PLCL1: variants seen among roughly 807,000 people sequenced by gnomAD.
The protein encoded by PLCL1 is inactive phospholipase C-like protein 1.
Under a neutral mutation model 84.4 loss-of-function variants are expected in PLCL1, and 41 were observed. That is an observed-to-expected ratio of 0.49 (90% CI 0.38 to 0.63). The LOEUF (loss-of-function observed/expected upper bound fraction) is 0.63, where lower values mean the gene tolerates loss of function less well. PLCL1 is among the 30% of genes least tolerant of loss of function. PLCL1 has a pLI of 0.00. For missense variants in PLCL1, 1,206 were observed against 1,367.8 expected (o/e 0.88, Z 1.87); for synonymous variants, 490 against 488.3 (o/e 1.00, Z -0.05).
At chr2:197,913,880 TTA>T (rs141941379) in intron 1 of PLCL1, among the ~76,000 whole-genome samples, 19 of 150,056 alleles carry the variant, frequency 1.3e-4, no homozygotes, top group African/African-American at 1.2e-4. Context: ...TGTCTTGGTT[TTA>T]TATATATATA....
At chr2:198,074,411 C>T (rs778750041) in intron 1 of PLCL1, among the ~76,000 whole-genome samples, 70 of 152,152 alleles carry the variant, frequency 4.6e-4, no homozygotes, top group Non-Finnish European at 9.3e-4. Context: ...ATTTCCTTTT[C>T]AGTTTTAAAT....
At chr2:198,097,696 G>C (rs1296505107) in intron 3 of PLCL1, among the ~76,000 whole-genome samples, 1 of 152,214 alleles carries the variant, frequency 6.6e-6, no homozygotes, top group Non-Finnish European at 1.5e-5. Flanking sequence ...CATTGTGAAT[G>C]TGGAGACAAA....
At chr2:197,859,285 C>T (rs1687387229) in intron 1 of PLCL1, among the ~76,000 whole-genome samples, 1 of 152,120 alleles carries the variant, frequency 6.6e-6, no homozygotes, top group Non-Finnish European at 1.5e-5. Context: ...TGAAGAGAAG[C>T]TTCCATGGAA....
At chr2:197,822,081 T>C (rs1690827611) in intron 1 of PLCL1, among the ~76,000 whole-genome samples, 1 of 152,138 alleles carries the variant, frequency 6.6e-6, no homozygotes, top group African/African-American at 2.4e-5. Context: ...TTCAAATGTA[T>C]ACCATATGTG....
At chr2:197,824,713 CA>C (rs1163183876) in intron 1 of PLCL1, among the ~76,000 whole-genome samples, 1,455 of 55,576 alleles carry the variant, frequency 0.026, 8 homozygotes, top group African/African-American at 0.074. Context: ...GACCCTGTCT[CA>C]AAAAAAAAAA....
At chr2:197,866,912 C>T (rs776842837) in intron 1 of PLCL1, among the ~76,000 whole-genome samples, 11 of 152,236 alleles carry the variant, frequency 7.2e-5, no homozygotes, top group Middle Eastern at 6.8e-3. Context: ...TGGCGATCAT[C>T]GTTTGGGAAT....
At position 197,822,565 on chromosome 2, in the gene PLCL1, A is replaced by G. The variant is rs149202825; in HGVS notation, c.240+17226A>G. On this transcript the variant is annotated intron_variant, in intron 1 of 5. Coordinates refer to ENST00000428675, the MANE Select transcript of PLCL1 (RefSeq NM_006226.4). ...ACACTGTTCTAAGCACTTTATGTGT[A>G]TTAACTCTTACCAATTCTTACTAGT... Among the ~76,000 whole-genome samples, 648 of 152,300 alleles carry G rather than the reference A, an allele frequency of 4.3e-3. 6 individuals carry two copies. Among genetic ancestry groups the G allele is most frequent in the Middle Eastern group, 0.037 (11 of 294 alleles).
chr2:197,865,059 G>A (rs867930875), intron 1 of PLCL1, among the ~76,000 whole-genome samples: 1 of 152,132 alleles, frequency 6.6e-6, no homozygotes, highest in Non-Finnish European at 1.5e-5. Context: ...CCCAATTAGA[G>A]TGTGAATCAA....
chr2:198,031,644 C>T (rs1475961909), intron 1 of PLCL1, among the ~76,000 whole-genome samples: 1 of 145,956 alleles, frequency 6.9e-6, no homozygotes, highest in African/African-American at 2.6e-5. Context: ...TATGAGCCAC[C>T]GTGAATGGCC....
At chr2:198,022,387 G>T (rs1289946695) in intron 1 of PLCL1, among the ~76,000 whole-genome samples, 3 of 152,148 alleles carry the variant, frequency 2.0e-5, no homozygotes, top group African/African-American at 7.2e-5. Context: ...CATAGTATTG[G>T]AAGTTCTGGC....
At chr2:197,993,441 T>G (rs1242767789) in intron 1 of PLCL1, among the ~76,000 whole-genome samples, 1 of 152,074 alleles carries the variant, frequency 6.6e-6, no homozygotes, top group Non-Finnish European at 1.5e-5. Context: ...ATCATCAGGG[T>G]CAGGGAAGCA....
At chr2:198,073,718 G>T (rs4850818) in intron 1 of PLCL1, among the ~76,000 whole-genome samples, 151,605 of 152,354 alleles carry the variant, frequency 1, 75,432 homozygotes, top group Middle Eastern at 1. Context: ...GCAAAAGAAA[G>T]ATTCAATTAG....
intron 1 of PLCL1, among the ~76,000 whole-genome samples, chr2:197,916,498 G>T (rs1259494129): frequency 6.6e-6 from 1 of 152,060 alleles, no homozygotes; most frequent in Non-Finnish European, 1.5e-5. Flanking sequence ...GAGGAGGAAA[G>T]GGAATAATCC....
chr2:197,817,375 C>CGT (rs146678783), intron 1 of PLCL1, among the ~76,000 whole-genome samples: 30 of 151,068 alleles, frequency 2.0e-4, no homozygotes, highest in South Asian at 1.7e-3. Flanking sequence ...TGCGTGTGCA[C>CGT]GTGTGTGTGT....
intron 5 of PLCL1, among the ~76,000 whole-genome samples, chr2:198,105,486 C>T (rs192740009): frequency 5.1e-4 from 77 of 151,956 alleles, no homozygotes; most frequent in African/African-American, 1.3e-3. Context: ...TCTCTAGGTT[C>T]ATACTCTAGG....
chr2:198,086,981 G>GAAAAA (rs1692902464), intron 2 of PLCL1, among the ~76,000 whole-genome samples: 1 of 152,026 alleles, frequency 6.6e-6, no homozygotes, highest in Non-Finnish European at 1.5e-5. Context: ...TGTCTATTAG[G>GAAAAA]TTACTTTTTA....
rs538217887 is a variant in PLCL1 at position 198,004,992 on chromosome 2, C to T, written c.241-78766C>T. Reference sequence around the variant, plus strand: ...AGAACATGAAAGGAAATCATGAGGCCATTAACACATCTAGAAATAGTCATT... The same window carrying T: ...AGAACATGAAAGGAAATCATGAGGCTATTAACACATCTAGAAATAGTCATT... On this transcript the variant is annotated intron_variant, in intron 1 of 5. Transcript: ENST00000428675. 7.9e-5 allele frequency among the ~76,000 whole-genome samples: 12 copies of T among 152,256 alleles called. No individual in the cohort carries two copies. In the South Asian group the frequency reaches 2.3e-3, roughly 29 times the overall value.
chr2:197,828,690 T>A (rs1559017689), intron 1 of PLCL1, among the ~76,000 whole-genome samples: 1 of 152,148 alleles, frequency 6.6e-6, no homozygotes, highest in Non-Finnish European at 1.5e-5. Context: ...TGAGATCAAT[T>A]TTATAATTGT....
intron 1 of PLCL1, among the ~76,000 whole-genome samples, chr2:197,820,874 T>C (rs1559015269): frequency 2.0e-5 from 3 of 152,174 alleles, no homozygotes; most frequent in Non-Finnish European, 1.5e-5. Context: ...GAAACATTGC[T>C]CTGAAGCTTC....
Sources: allele counts gnomAD v4.1 joint callset (sites outside exome capture counted in the v4.1 genomes callset), GRCh38; gene constraint gnomAD v4.1.1; transcripts MANE v1.5; gene names NCBI Gene and HGNC (gene_info 2026-07-23, HGNC 2026-07-21).